The following KIRREL3 variants were observed in gnomAD, a reference collection of about 807,000 sequenced individuals.
The protein encoded by KIRREL3 is kirre like nephrin family adhesion molecule 3, also known as kin of IRRE-like protein 3.
Under a neutral mutation model 89.7 loss-of-function variants are expected in KIRREL3, and 36 were observed. The observed-to-expected ratio is 0.40, with a 90% CI of 0.31 to 0.53. KIRREL3 has a LOEUF of 0.53. Ranked by LOEUF, KIRREL3 falls within the 20% of genes least tolerant of loss-of-function variation. The pLI, the probability that KIRREL3 is intolerant of heterozygous loss-of-function variation, is 0.49. For synonymous variants in KIRREL3, 445 were observed against 441.4 expected (o/e 1.01, Z -0.10); for missense variants, 864 against 1,056.6 (o/e 0.82, Z 2.53).
chr11:126,550,105 T>C lies in KIRREL3; in HGVS notation c.133+12730A>G, dbSNP rs566412993. ...TTTGTCTCTCCCCGCAAGACAGTGG[T>C]ATCCTTGGGGGCAGGGACTGTGTTT... On this transcript the variant is annotated intron_variant, in intron 2 of 16. Coordinates refer to ENST00000525144, the MANE Select transcript of KIRREL3 (RefSeq NM_032531.4). The surrounding 1 kb of genome is among the most constrained non-coding windows in gnomAD (Gnocchi z 4.9). 1 of 152,332 alleles carries C rather than the reference T, an allele frequency of 6.6e-6. No homozygotes were observed. Among genetic ancestry groups the C allele is most frequent in the East Asian group, 1.9e-4 (1 of 5,176 alleles). The allele number at this position is 152,332 out of a possible 1,614,324, so 9.4% of individuals were successfully genotyped here.
Position 126,807,009 on chromosome 11 carries a change from A to T in KIRREL3, c.55+193446T>A, listed in dbSNP as rs918197056. Among the ~76,000 whole-genome samples the T allele has an allele frequency of 6.6e-6, 1 of 152,178 alleles. No homozygotes were observed. The highest frequency in any genetic ancestry group is 1.5e-5 in the Non-Finnish European group (1 of 68,036). On this transcript the variant is annotated intron_variant, in intron 1 of 16. Coordinates refer to ENST00000525144, the MANE Select transcript of KIRREL3 (RefSeq NM_032531.4). This position sits in a 1 kb window ranked among gnomAD's most constrained non-coding sequence, Gnocchi z 4.3. ...CATCCATGTCCCTGCAAAGGACATG[A>T]ATTCACTCTTTTTTATGACTGCATA... is the stretch of plus-strand genomic sequence containing the variant.
rs1027178206 is a variant in KIRREL3, at chr11:126,574,259, C to T, written c.56-11347G>A. ...CTCAAAATCACCCTGCTGCTAATGG[C>T]AGGGCTAGGATTTGACCACAACGCT... On this transcript the variant is annotated intron_variant, in intron 1 of 16. Coordinates refer to ENST00000525144, the MANE Select transcript of KIRREL3 (RefSeq NM_032531.4). This position sits in a 1 kb window ranked among gnomAD's most constrained non-coding sequence, Gnocchi z 5.3. Among the ~76,000 whole-genome samples, 4 of 152,198 alleles carry T rather than the reference C, an allele frequency of 2.6e-5. No individual in the cohort carries two copies. The highest frequency in any genetic ancestry group is 6.5e-5 in the Admixed American group (1 of 15,274).
intron 9 of KIRREL3, 147 bp downstream of exon 9, chr11:126,446,612 T>C: frequency 1.1e-6 from 1 of 938,322 alleles, no homozygotes; most frequent in Non-Finnish European, 1.6e-6. Context: ...TTCCCCCTCC[T>C]CTTTCTGGGA....
At position 126,579,851 on chromosome 11, in the gene KIRREL3, A is replaced by T. The variant is rs1209093483; in HGVS notation, c.56-16939T>A. Among the ~76,000 whole-genome samples the T allele has an allele frequency of 6.8e-6, 1 of 146,866 alleles. No homozygotes were observed. The highest frequency in any genetic ancestry group is 1.5e-5 in the Non-Finnish European group (1 of 66,704). On this transcript the variant is annotated intron_variant, in intron 1 of 16. Coordinates refer to ENST00000525144, the MANE Select transcript of KIRREL3 (RefSeq NM_032531.4). The surrounding 1 kb of genome is among the most constrained non-coding windows in gnomAD (Gnocchi z 5.3). The stretch of plus-strand genomic sequence containing the variant: ...GGTCCTTAAAAGAGGGAGCCAAGTC[A>T]TTTTTTTTTTTTGAGGCAGAGTCTT...
In KIRREL3 at chr11:126,523,874, T is replaced by G. The variant is rs556842660; in HGVS notation, c.284-2410A>C. On this transcript the variant is annotated intron_variant, in intron 3 of 16. Coordinates refer to ENST00000525144, the MANE Select transcript of KIRREL3 (RefSeq NM_032531.4). This position sits in a 1 kb window ranked among gnomAD's most constrained non-coding sequence, Gnocchi z 4.9. ...CAAGCTATCAGCAGCAGGATTTTGC[T>G]CTCACGAGCTGCTGAAAACATCAGT... is the stretch of plus-strand genomic sequence containing the variant. Among the ~76,000 whole-genome samples the G allele has an allele frequency of 1.3e-5, 2 of 152,296 alleles. No homozygotes were observed. Among genetic ancestry groups the G allele is most frequent in the South Asian group, 4.1e-4 (2 of 4,824 alleles).
chr11:126,911,303 C>T (rs962436049), intron 1 of KIRREL3, among the ~76,000 whole-genome samples: 1 of 152,184 alleles, frequency 6.6e-6, no homozygotes, highest in Non-Finnish European at 1.5e-5. Context: ...AAAACAGTTT[C>T]CCACCCTGAA....
intron 1 of KIRREL3, among the ~76,000 whole-genome samples, chr11:126,584,486 C>G (rs1458820415): frequency 6.6e-6 from 1 of 152,170 alleles, no homozygotes; most frequent in Non-Finnish European, 1.5e-5. Flanking sequence ...AGTCTGAAAA[C>G]TCATTTTTGT....
chr11:126,919,657 A>C (rs934926758), intron 1 of KIRREL3, among the ~76,000 whole-genome samples: 3 of 152,232 alleles, frequency 2.0e-5, no homozygotes, highest in Admixed American at 2.0e-4. Context: ...CCAGTTGTGC[A>C]GAAGCTCTTG....
At chr11:126,602,805 G>A (rs757506275) in intron 1 of KIRREL3, among the ~76,000 whole-genome samples, 13 of 152,290 alleles carry the variant, frequency 8.5e-5, no homozygotes, top group Admixed American at 5.2e-4. Context: ...GGCAGTTCGC[G>A]GGGCTGGGAG....
intron 1 of KIRREL3, among the ~76,000 whole-genome samples, chr11:126,854,126 T>TTGTGTGTGTGTG (rs375873911): frequency 2.1e-3 from 299 of 144,012 alleles, no homozygotes; most frequent in African/African-American, 4.1e-3. Context: ...AATAAGTTTC[T>TTGTGTGTGTGTG]TGTGTGTGTG....
In KIRREL3 at chr11:126,492,630, C is replaced by G. The variant is rs1371460353; in HGVS notation, c.434-19164G>C. Among the ~76,000 whole-genome samples the G allele has an allele frequency of 1.3e-5, 2 of 152,088 alleles. No individual in the cohort carries two copies. Among genetic ancestry groups the G allele is most frequent in the African/African-American group, 4.8e-5 (2 of 41,398 alleles). ...CTGTTGGAGGGGAACAGCCACCAGG[C>G]CATTTTTATGACTTCCTATCAAACT... On this transcript the variant is annotated intron_variant, in intron 4 of 16. Transcript: ENST00000525144. This position sits in a 1 kb window ranked among gnomAD's most constrained non-coding sequence, Gnocchi z 4.8.
At position 126,995,353 on chromosome 11, in the gene KIRREL3, G is replaced by C. The variant is rs1270451816; in HGVS notation, c.55+5102C>G. 6.6e-6 allele frequency: 3 copies of C among 456,048 alleles called. No homozygotes were observed. The highest frequency in any genetic ancestry group is 8.8e-6 in the Non-Finnish European group (2 of 226,954). The allele number at this position is 456,048 out of a possible 1,614,324, so 28.3% of individuals were successfully genotyped here. A position where few individuals can be genotyped will look rare whatever the true frequency, so the allele number is the denominator to read the frequency against. On this transcript the variant is annotated intron_variant, in intron 1 of 16. Coordinates refer to ENST00000525144, the MANE Select transcript of KIRREL3 (RefSeq NM_032531.4). This position sits in a 1 kb window ranked among gnomAD's most constrained non-coding sequence, Gnocchi z 6.5. ...ATTCCAGCATGCTCATGATCTTACT[G>C]ACCTTCTCCACTGATGAATTAGAAC...
At chr11:126,781,479 T>G (rs1029260479) in intron 1 of KIRREL3, among the ~76,000 whole-genome samples, 1 of 152,250 alleles carries the variant, frequency 6.6e-6, no homozygotes, top group Non-Finnish European at 1.5e-5. Context: ...ATACTGTGTA[T>G]ACAATTTTGT....
rs1943690259 is a variant in KIRREL3, at chr11:126,624,289, C to G, written c.56-61377G>C. 6.6e-6 allele frequency among the ~76,000 whole-genome samples: 1 copy of G among 152,084 alleles called. No individual in the cohort carries two copies. Among genetic ancestry groups the G allele is most frequent in the African/African-American group, 2.4e-5 (1 of 41,428 alleles). On this transcript the variant is annotated intron_variant, in intron 1 of 16. Transcript: ENST00000525144. This position sits in a 1 kb window ranked among gnomAD's most constrained non-coding sequence, Gnocchi z 6.0. ...TGTACAGGTGGGATCATCAGTTATTCTCCCCAAACAGATCATTCTTGTCTT... is the reference window on the plus strand; with the variant it reads ...TGTACAGGTGGGATCATCAGTTATTGTCCCCAAACAGATCATTCTTGTCTT...
intron 1 of KIRREL3, among the ~76,000 whole-genome samples, chr11:126,827,073 G>A (rs1219128004): frequency 2.0e-5 from 3 of 151,962 alleles, no homozygotes; most frequent in Non-Finnish European, 4.4e-5. Flanking sequence ...GTATTTTCCT[G>A]TTTTACTGCT....
At chr11:126,799,570 A>G (rs1451982333) in intron 1 of KIRREL3, among the ~76,000 whole-genome samples, 4 of 53,196 alleles carry the variant, frequency 7.5e-5, no homozygotes, top group African/African-American at 2.0e-4. Flanking sequence ...AAAGAAGGTG[A>G]GACTCCTAGG....
chr11:126,501,474 C>A lies in KIRREL3; in HGVS notation c.433+19841G>T, dbSNP rs1957860774. On this transcript the variant is annotated intron_variant, in intron 4 of 16. Transcript: ENST00000525144. This position sits in a 1 kb window ranked among gnomAD's most constrained non-coding sequence, Gnocchi z 5.8. Reference sequence around the variant, plus strand: ...CAGAGCGCAGGTCGAGCAGATTCTACCGCAGCCCGTCCTGGGTCCTGTTGA... The same window carrying A: ...CAGAGCGCAGGTCGAGCAGATTCTAACGCAGCCCGTCCTGGGTCCTGTTGA... 2.0e-5 allele frequency among the ~76,000 whole-genome samples: 3 copies of A among 152,164 alleles called. No homozygotes were observed. The highest frequency in any genetic ancestry group is 2.0e-4 in the Admixed American group (3 of 15,272).
At position 126,905,308 on chromosome 11, in the gene KIRREL3, AG is replaced by A. The variant is rs1284244909; in HGVS notation, c.55+95146del. Among the ~76,000 whole-genome samples the A allele has an allele frequency of 2.6e-5, 4 of 152,174 alleles. No homozygotes were observed. The highest frequency in any genetic ancestry group is 2.6e-4 in the Admixed American group (4 of 15,278). ...GAGCTGCAAGCTGAGGGGCTGCACC[AG>A]GAATACAGGATTCCTGGGAGTTGAT... On this transcript the variant is annotated intron_variant, in intron 1 of 16. Coordinates refer to ENST00000525144, the MANE Select transcript of KIRREL3 (RefSeq NM_032531.4). The surrounding 1 kb of genome is among the most constrained non-coding windows in gnomAD (Gnocchi z 5.0).
rs1334759345 is a variant in KIRREL3, at chr11:126,569,958, T to C, written c.56-7046A>G. ...TGCTTTCTGCATCGGTTCTGCCTAC[T>C]CCTATTTTCAGCATAATTACTCATA... On this transcript the variant is annotated intron_variant, in intron 1 of 16. Transcript: ENST00000525144. The surrounding 1 kb of genome is among the most constrained non-coding windows in gnomAD (Gnocchi z 6.5). Among the ~76,000 whole-genome samples the C allele has an allele frequency of 6.6e-6, 1 of 152,142 alleles. No homozygotes were observed. The highest frequency in any genetic ancestry group is 1.5e-5 in the Non-Finnish European group (1 of 68,028).
Sources: gnomAD v4.1 joint callset for allele counts (sites outside exome capture counted in the v4.1 genomes callset) on GRCh38, gnomAD v4.1.1 for gene constraint, Gnocchi (gnomAD v3.1) non-coding constraint, MANE v1.5 for transcripts, NCBI Gene and HGNC (gene_info 2026-07-23, HGNC 2026-07-21) for gene names.